Variants in PCLO observed in about 807,000 individuals in gnomAD.
The protein encoded by PCLO is protein piccolo.
PCLO carries 82 observed loss-of-function variants against 427.5 expected under a neutral mutation model. The ratio of observed to expected loss-of-function variants is 0.19; its 90% CI spans 0.16 to 0.23. The LOEUF is 0.23. PCLO is among the 10% of genes least tolerant of loss of function. The pLI, the probability that PCLO is intolerant of heterozygous loss-of-function variation, is 1.00. For missense variants in PCLO, 6,239 were observed against 6,115.9 expected (o/e 1.02, Z -0.67); for synonymous variants, 2,357 against 2,155.4 (o/e 1.09, Z -2.59).
chr7:83,011,075 A>G (rs145928825), intron 3 of PCLO, among the ~76,000 whole-genome samples: 269 of 152,092 alleles, frequency 1.8e-3, no homozygotes, highest in African/African-American at 5.5e-3. Context: ...TTGGCCTTTA[A>G]TCTTTGTTAA....
chr7:82,960,157 T>C (rs1795624668), intron 4 of PCLO, among the ~76,000 whole-genome samples: 1 of 152,260 alleles, frequency 6.6e-6, no homozygotes, highest in Non-Finnish European at 1.5e-5. Context: ...GTTAAGTTTT[T>C]GTTTAATTTT....
intron 6 of PCLO, among the ~76,000 whole-genome samples, chr7:82,945,788 CAAG>C (rs1416045876): frequency 6.6e-6 from 1 of 151,938 alleles, no homozygotes; most frequent in Admixed American, 6.6e-5. Context: ...TGAAAACAAG[CAAG>C]AATTGAATTT....
intron 3 of PCLO, among the ~76,000 whole-genome samples, chr7:83,055,679 A>G (rs1789361443): frequency 6.6e-6 from 1 of 152,200 alleles, no homozygotes; most frequent in Non-Finnish European, 1.5e-5. Context: ...AAAAAACAAT[A>G]AAAATTATTG....
intron 3 of PCLO, among the ~76,000 whole-genome samples, chr7:83,089,967 T>C (rs1180442975): frequency 6.6e-6 from 1 of 152,106 alleles, no homozygotes; most frequent in African/African-American, 2.4e-5. Flanking sequence ...CAAATTAACA[T>C]AGGATGTAAG....
chr7:82,914,603 T>A (rs1168157485), intron 7 of PCLO, 83 bp downstream of exon 7: 1 of 1,342,082 alleles, frequency 7.5e-7, no homozygotes, highest in Non-Finnish European at 1.0e-6. Flanking sequence ...GTAGGATACA[T>A]CTCTGGAGAA....
Position 82,952,962 on chromosome 7 carries a change from G to C in PCLO, c.7991C>G (p.Thr2664Arg), listed in dbSNP as rs1168019901. The C allele has an allele frequency of 7.4e-6, 12 of 1,613,802 alleles. No homozygotes were observed. Among genetic ancestry groups the C allele is most frequent in the Non-Finnish European group, 1.0e-5 (12 of 1,179,836 alleles). The change falls in exon 5 of 25, where the codon ACA becomes AGA. Residue 2664 changes from threonine (T) to arginine (R), a missense_variant. This residue lies in a region of PCLO where 4,677 missense variants were observed against 4,468.4 expected (regional missense o/e 1.05). Transcript: ENST00000333891. ...AGTAGTGAGAAACTGTGTAACTGAT[G>C]TGGGAGCTGCTTGAAATGAAGAGGG... Reference protein sequence around the residue: ...TAPSSFQAAPTSVTQFLTTEV... With the variant: ...TAPSSFQAAPRSVTQFLTTEV...
At chr7:83,039,632 G>A (rs993854578) in intron 3 of PCLO, among the ~76,000 whole-genome samples, 1 of 152,066 alleles carries the variant, frequency 6.6e-6, no homozygotes, top group East Asian at 1.9e-4. Context: ...TAGGAAATAT[G>A]AGTCTTCCAA....
chr7:82,995,552 AG>A (rs963459130), intron 3 of PCLO, among the ~76,000 whole-genome samples: 7 of 151,972 alleles, frequency 4.6e-5, no homozygotes, highest in Non-Finnish European at 1.0e-4. Context: ...TCTAGCGTGA[AG>A]GGGTGGGTGG....
chr7:82,784,886 G>A (rs1030179545), intron 22 of PCLO, among the ~76,000 whole-genome samples: 7 of 151,894 alleles, frequency 4.6e-5, no homozygotes, highest in African/African-American at 1.7e-4. Context: ...CAGTTGCATG[G>A]TATTCCATTA....
intron 16 of PCLO, among the ~76,000 whole-genome samples, chr7:82,832,105 A>G (rs746920462): frequency 6.6e-6 from 1 of 152,186 alleles, no homozygotes; most frequent in Non-Finnish European, 1.5e-5. Flanking sequence ...TAATGATTTA[A>G]CATTAGGACA....
rs1319486186 is a variant in PCLO, at chr7:82,757,073, C to G, written c.*1502G>C. On this transcript the variant is annotated 3_prime_UTR_variant, in exon 25 of 25. Coordinates refer to ENST00000333891, the MANE Select transcript of PCLO (RefSeq NM_033026.6). ...TCATTGATTTATCATCACAACATCT[C>G]ATTTGGAAGGTTAAGAATATATAAT... 6.6e-6 allele frequency: 1 copy of G among 152,030 alleles called. No individual in the cohort carries two copies. The highest frequency in any genetic ancestry group is 1.5e-5 in the Non-Finnish European group (1 of 67,978). The allele number at this position is 152,030 out of a possible 1,614,324, so 9.4% of individuals were successfully genotyped here.
intron 3 of PCLO, among the ~76,000 whole-genome samples, chr7:83,052,164 G>A (rs1045328081): frequency 2.6e-5 from 4 of 151,714 alleles, no homozygotes; most frequent in African/African-American, 9.7e-5. Flanking sequence ...TAAGATTCAT[G>A]AAAGAAAAAA....
At chr7:83,000,142 A>C (rs902859853) in intron 3 of PCLO, among the ~76,000 whole-genome samples, 2 of 151,412 alleles carry the variant, frequency 1.3e-5, no homozygotes, top group Non-Finnish European at 2.9e-5. Context: ...AAATATCCTG[A>C]AAAAAGCCAG....
intron 22 of PCLO, among the ~76,000 whole-genome samples, chr7:82,785,778 A>C (rs1361235398): frequency 6.6e-6 from 1 of 152,140 alleles, no homozygotes; most frequent in Non-Finnish European, 1.5e-5. Flanking sequence ...TATTAAGCAA[A>C]GAGAACAGCA....
At chr7:82,782,491 T>A (rs1790893490) in intron 22 of PCLO, among the ~76,000 whole-genome samples, 1 of 152,208 alleles carries the variant, frequency 6.6e-6, no homozygotes, top group African/African-American at 2.4e-5. Context: ...GAGGACTGAT[T>A]TTACAGTGCA....
In PCLO at chr7:83,162,843, C is replaced by T. The variant is rs915375981; in HGVS notation, c.-251G>A. ...GGCAACCTTTGCAGAAGACACCTCC[C>T]GGACGCCGCCTCGGCGCCCCGAGCC... On this transcript the variant is annotated 5_prime_UTR_variant, in exon 1 of 25. Transcript: ENST00000333891. 2 of 526,840 alleles carry T rather than the reference C, an allele frequency of 3.8e-6. No homozygotes were observed. The highest frequency in any genetic ancestry group is 2.0e-5 in the African/African-American group (1 of 49,156). The allele number at this position is 526,840 out of a possible 1,614,324, so 32.6% of individuals were successfully genotyped here.
chr7:82,952,664 A>C lies in PCLO; in HGVS notation c.8289T>G (p.Val2763=). The C allele has an allele frequency of 6.2e-7, 1 of 1,613,952 alleles. No homozygotes were observed. Among genetic ancestry groups the C allele is most frequent in the Non-Finnish European group, 8.5e-7 (1 of 1,179,848 alleles). Residue 2763 remains valine, a synonymous_variant, in exon 5 of 25, where the codon GTT becomes GTG. Transcript: ENST00000333891. ...GGACAGCACTAATTTGTTTCCCATA[A>C]ACTTCATTTGCTGTGATCTGCCTTT... ...DVKRQITANE[V]YGKQISAVQP...
rs1795481013 is a variant in PCLO at position 82,955,245 on chromosome 7, T to C, written c.5708A>G (p.Gln1903Arg). ...YSPTDEQSIM[Q>R]KEGSQKALKS... ...TAACGCCTTTTGGCTACCTTCTTTC[T>C]GCATAATAGATTGCTCATCTGTTGG... Residue 1903 changes from glutamine to arginine, a missense_variant, in exon 5 of 25, where the codon CAG becomes CGG. Coordinates refer to ENST00000333891, the MANE Select transcript of PCLO (RefSeq NM_033026.6). 11 of 1,613,808 alleles carry C rather than the reference T, an allele frequency of 6.8e-6. No individual in the cohort carries two copies. The highest frequency in any genetic ancestry group is 8.5e-6 in the Non-Finnish European group (10 of 1,179,808).
intron 7 of PCLO, among the ~76,000 whole-genome samples, chr7:82,914,061 T>C (rs1794385922): frequency 6.6e-6 from 1 of 152,036 alleles, no homozygotes; most frequent in Non-Finnish European, 1.5e-5. Context: ...AAATTACAAA[T>C]TTGTAAATAA....
Sources: allele counts gnomAD v4.1 joint callset (sites outside exome capture counted in the v4.1 genomes callset), GRCh38; gene constraint gnomAD v4.1.1; regional missense constraint gnomAD v4.1.1; transcripts MANE v1.5; gene names NCBI Gene and HGNC (gene_info 2026-07-23, HGNC 2026-07-21).